INPP4B: variants seen among roughly 807,000 people sequenced by gnomAD.
INPP4B encodes inositol polyphosphate-4-phosphatase type II B, also known as inositol polyphosphate 4-phosphatase type II.
A neutral mutation model predicts 122.5 loss-of-function variants in INPP4B; 55 were observed. That is an observed-to-expected ratio of 0.45 (90% CI 0.36 to 0.56). The LOEUF is 0.56. Ranked by LOEUF, INPP4B falls within the 20% of genes least tolerant of loss-of-function variation. The probability of loss-of-function intolerance (pLI) is 0.00; values close to 1 mark genes in which losing one functional copy is unlikely to be tolerated. For missense variants in INPP4B, 1,000 were observed against 1,097.7 expected, an observed-to-expected ratio of 0.91 and a Z score of 1.26; for synonymous variants, 403 against 388.7, an observed-to-expected ratio of 1.04 and a Z score of -0.43.
chr4:142,439,916 C>T (rs1208806526), intron 3 of INPP4B, among the ~76,000 whole-genome samples: 1 of 152,202 alleles, frequency 6.6e-6, no homozygotes, highest in East Asian at 1.9e-4. Flanking sequence ...TCTCTTTCTT[C>T]AGCTGAAAGC....
chr4:142,023,768 TA>T lies in INPP4B; in HGVS notation c.*5013del, dbSNP rs1189873435. 2 of 152,168 alleles carry T rather than the reference TA, an allele frequency of 1.3e-5. No individual in the cohort carries two copies. Among genetic ancestry groups the T allele is most frequent in the Admixed American group, 6.6e-5 (1 of 15,266 alleles). The allele number at this position is 152,168 out of a possible 1,614,324, so 9.4% of individuals were successfully genotyped here. A position where few individuals can be genotyped will look rare whatever the true frequency, so the allele number is the denominator to read the frequency against. ...CTAAAGAACTGTATTTACTAAAATA[TA>T]TTTTTTTTGGCAAGATGTGATTTAT... On this transcript the variant is annotated 3_prime_UTR_variant, in exon 26 of 26. Coordinates refer to ENST00000262992, the MANE Select transcript of INPP4B (RefSeq NM_001101669.3).
At chr4:142,842,893 A>C (rs1325224768) in intron 1 of INPP4B, among the ~76,000 whole-genome samples, 1 of 139,730 alleles carries the variant, frequency 7.2e-6, no homozygotes, top group African/African-American at 2.6e-5. Flanking sequence ...TGATTATTAT[A>C]TATTTATATA....
intron 25 of INPP4B, among the ~76,000 whole-genome samples, chr4:142,068,021 C>T (rs1458637309): frequency 1.3e-5 from 2 of 152,034 alleles, no homozygotes; most frequent in African/African-American, 4.8e-5. Flanking sequence ...CTCCAAGACA[C>T]ATAATTGTCA....
chr4:142,775,412 T>C (rs959311875), intron 1 of INPP4B, among the ~76,000 whole-genome samples: 1 of 152,178 alleles, frequency 6.6e-6, no homozygotes, highest in Non-Finnish European at 1.5e-5. Context: ...TATTTACTTA[T>C]TAAATCATTT....
intron 1 of INPP4B, among the ~76,000 whole-genome samples, chr4:142,841,386 A>C (rs1284844039): frequency 6.6e-6 from 1 of 151,998 alleles, no homozygotes; most frequent in Non-Finnish European, 1.5e-5. Flanking sequence ...TAAGAAAGCA[A>C]AGCCCCATGA....
At chr4:142,039,118 T>G (rs187689041) in intron 25 of INPP4B, among the ~76,000 whole-genome samples, 26 of 152,268 alleles carry the variant, frequency 1.7e-4, no homozygotes, top group African/African-American at 5.8e-4. Flanking sequence ...TCATCTTTAC[T>G]TTCCTGTGAT....
At chr4:142,149,647 G>C (rs1812725424) in intron 17 of INPP4B, among the ~76,000 whole-genome samples, 1 of 152,196 alleles carries the variant, frequency 6.6e-6, no homozygotes, top group Admixed American at 6.5e-5. Context: ...AGTTATCTGA[G>C]ACTTAAATAT....
intron 1 of INPP4B, among the ~76,000 whole-genome samples, chr4:142,782,635 C>T (rs1313170690): frequency 2.0e-5 from 3 of 151,864 alleles, no homozygotes; most frequent in Non-Finnish European, 2.9e-5. Flanking sequence ...CACATCCTCT[C>T]CAGCACCTGT....
chr4:142,688,218 T>C (rs1759651138), intron 2 of INPP4B, among the ~76,000 whole-genome samples: 1 of 152,164 alleles, frequency 6.6e-6, no homozygotes, highest in South Asian at 2.1e-4. Context: ...TCCTGTTTAG[T>C]AGGTAACTGA....
chr4:142,307,819 T>C (rs139120058), intron 8 of INPP4B, among the ~76,000 whole-genome samples: 2,110 of 152,308 alleles, frequency 0.014, 21 homozygotes, highest in Non-Finnish European at 0.018. Context: ...TTGCAAATTA[T>C]TTTCTATTTG....
chr4:142,800,031 T>A (rs1295502693), intron 1 of INPP4B, among the ~76,000 whole-genome samples: 1 of 152,074 alleles, frequency 6.6e-6, no homozygotes, highest in Non-Finnish European at 1.5e-5. Flanking sequence ...CCAATAAATT[T>A]AGACTATAGA....
At chr4:142,173,483 T>C (rs935809903) in intron 16 of INPP4B, 149 bp downstream of exon 16, 1 of 630,946 alleles carries the variant, frequency 1.6e-6, no homozygotes, top group Non-Finnish European at 2.6e-6. Flanking sequence ...CAATTCATTT[T>C]GATCCTGTGG....
At chr4:142,656,168 A>C (rs1229135136) in intron 2 of INPP4B, among the ~76,000 whole-genome samples, 4 of 152,172 alleles carry the variant, frequency 2.6e-5, no homozygotes, top group East Asian at 1.9e-4. Context: ...TTTGATCACC[A>C]GGTGGGAAGT....
chr4:142,308,971 C>T (rs1184806594), intron 8 of INPP4B, among the ~76,000 whole-genome samples: 1 of 152,086 alleles, frequency 6.6e-6, no homozygotes, highest in Non-Finnish European at 1.5e-5. Flanking sequence ...TTCTTATTTC[C>T]CTGTCTTCTC....
chr4:142,256,531 C>T (rs1202564162), intron 11 of INPP4B, among the ~76,000 whole-genome samples: 35 of 152,084 alleles, frequency 2.3e-4, no homozygotes, highest in Non-Finnish European at 4.0e-4. Flanking sequence ...ATATCACCAC[C>T]GATCCCACAG....
chr4:142,475,008 A>C (rs1334453929), intron 2 of INPP4B, among the ~76,000 whole-genome samples: 1 of 152,184 alleles, frequency 6.6e-6, no homozygotes, highest in Non-Finnish European at 1.5e-5. Flanking sequence ...TTCCGTCTGC[A>C]CTCTGTGGGC....
chr4:142,160,571 A>T lies in INPP4B; in HGVS notation c.1360-10T>A. ...GTACAAAAAGCTCTGTCTGGAAAGAAATTGACAAGGATTAGAAACACCTTG... is the reference window on the plus strand; with the variant it reads ...GTACAAAAAGCTCTGTCTGGAAAGATATTGACAAGGATTAGAAACACCTTG... On this transcript the variant is annotated splice_polypyrimidine_tract_variant and intron_variant, in intron 16 of 25. Coordinates refer to ENST00000262992, the MANE Select transcript of INPP4B (RefSeq NM_001101669.3). 6.3e-7 allele frequency: 1 copy of T among 1,586,322 alleles called. No homozygotes were observed. The highest frequency in any genetic ancestry group is 8.6e-7 in the Non-Finnish European group (1 of 1,158,988).
chr4:142,193,824 C>A (rs529034893), intron 14 of INPP4B, among the ~76,000 whole-genome samples: 1 of 152,162 alleles, frequency 6.6e-6, no homozygotes, highest in African/African-American at 2.4e-5. Flanking sequence ...ACAAAAAATC[C>A]ATACACTTAA....
intron 18 of INPP4B, among the ~76,000 whole-genome samples, chr4:142,143,543 C>A: frequency 6.6e-6 from 1 of 151,506 alleles, no homozygotes; most frequent in African/African-American, 2.4e-5. Flanking sequence ...CACGGTGAAC[C>A]CCATAAAAAT....
Sources: gnomAD v4.1 joint callset for allele counts (sites outside exome capture counted in the v4.1 genomes callset) on GRCh38, gnomAD v4.1.1 for gene constraint, MANE v1.5 for transcripts, NCBI Gene and HGNC (gene_info 2026-07-23, HGNC 2026-07-21) for gene names.